The following GCNA variants were observed in gnomAD, a reference collection of about 807,000 sequenced individuals.
The protein encoded by GCNA is germ cell nuclear acidic protein.
In GCNA, 3 loss-of-function variants were observed where a neutral mutation model predicts 38.8. The ratio of observed to expected loss-of-function variants is 0.08; its 90% CI spans 0.04 to 0.20. The LOEUF is 0.20. GCNA is among the 10% of genes least tolerant of loss of function. The pLI is 1.00. For synonymous variants in GCNA, 195 were observed against 240.2 expected (o/e 0.81, Z 1.74); for missense variants, 446 against 578.6 (o/e 0.77, Z 2.35).
rs953190209 is a variant in GCNA, at chrX:71,596,107, T to G, written c.221+1328T>G. On this transcript the variant is annotated intron_variant, in intron 6 of 12. Transcript: ENST00000373696. ...AGCATGTGCCTCTAATTCCAGCTAC[T>G]TAGGAGGCTGAGGCACGAGAATCAC... Among the ~76,000 whole-genome samples, 4 of 111,433 alleles carry G rather than the reference T, an allele frequency of 3.6e-5. No individual in the cohort carries two copies. The Admixed American group carries it at 3.8e-4, about 11-fold the overall frequency.
chrX:71,611,728 G>A (rs1025267134), intron 11 of GCNA, among the ~76,000 whole-genome samples: 1 of 111,066 alleles, frequency 9.0e-6, no homozygotes, highest in Non-Finnish European at 1.9e-5. Context: ...TGTTCCTGGA[G>A]GGCAGAAACT....
chrX:71,600,713 G>T (rs2040706697), intron 7 of GCNA, among the ~76,000 whole-genome samples: 1 of 111,975 alleles, frequency 8.9e-6, no homozygotes, highest in Non-Finnish European at 1.9e-5. Flanking sequence ...GATAGTAGGT[G>T]TATATATTTA....
Position 71,590,170 on chromosome X carries a change from A to G in GCNA, c.60-1952A>G, listed in dbSNP as rs767200380. On this transcript the variant is annotated intron_variant, in intron 2 of 12. Coordinates refer to ENST00000373696, the MANE Select transcript of GCNA (RefSeq NM_052957.5). ...TTACTTGGAAAAGATACCAAACAAA[A>G]TCTGCCTTCTTTTTGACCATGTATT... Among the ~76,000 whole-genome samples the G allele has an allele frequency of 1.2e-4, 13 of 111,786 alleles. No homozygotes were observed. The South Asian group carries it at 4.5e-3, about 39-fold the overall frequency.
At chrX:71,596,778 G>A (rs1292069775) in intron 6 of GCNA, among the ~76,000 whole-genome samples, 1 of 111,376 alleles carries the variant, frequency 9.0e-6, no homozygotes, top group Non-Finnish European at 1.9e-5. Context: ...TGTAGGCAGG[G>A]CTGATAATCA....
At chrX:71,601,214 C>T (rs1035345622) in intron 7 of GCNA, among the ~76,000 whole-genome samples, 3 of 110,346 alleles carry the variant, frequency 2.7e-5, no homozygotes, top group Admixed American at 9.6e-5. Flanking sequence ...TGTGGTGGTG[C>T]GTGCCTGTAG....
At chrX:71,588,519 C>CT (rs2040599675) in intron 2 of GCNA, among the ~76,000 whole-genome samples, 1 of 112,104 alleles carries the variant, frequency 8.9e-6, no homozygotes, top group Non-Finnish European at 1.9e-5. Flanking sequence ...GATTTATAGT[C>CT]TTTTAAAGTT....
At chrX:71,612,591 G>A (rs768157638) in intron 12 of GCNA, 32 bp downstream of exon 12, 10 of 1,153,335 alleles carry the variant, frequency 8.7e-6, no homozygotes, top group Non-Finnish European at 1.1e-5. Flanking sequence ...TCCCAGTTAC[G>A]TTTTGCTGGG....
At chrX:71,598,928 C>T (rs960340575) in intron 7 of GCNA, among the ~76,000 whole-genome samples, 1 of 111,079 alleles carries the variant, frequency 9.0e-6, no homozygotes, top group African/African-American at 3.3e-5. Flanking sequence ...GCAACCTCTG[C>T]CTCCTGGGCT....
intron 9 of GCNA, among the ~76,000 whole-genome samples, chrX:71,608,494 G>C (rs1237782437): frequency 4.5e-5 from 5 of 111,793 alleles, no homozygotes; most frequent in African/African-American, 1.6e-4. Context: ...GGATGGTCTC[G>C]ATCTCCTGAC....
intron 9 of GCNA, among the ~76,000 whole-genome samples, chrX:71,607,336 C>G (rs997225828): frequency 8.9e-6 from 1 of 112,057 alleles, no homozygotes; most frequent in Non-Finnish European, 1.9e-5. Flanking sequence ...GTACTTCCCC[C>G]CTCTGCAGCC....
At chrX:71,608,180 G>C (rs2147732212) in intron 9 of GCNA, among the ~76,000 whole-genome samples, 1 of 112,197 alleles carries the variant, frequency 8.9e-6, no homozygotes, top group South Asian at 3.8e-4. Context: ...ACTAGAGTAG[G>C]AACCAGGGGG....
chrX:71,610,959 G>A (rs754042667), intron 11 of GCNA, 140 bp downstream of exon 11: 6 of 845,366 alleles, frequency 7.1e-6, no homozygotes, highest in Non-Finnish European at 9.8e-6. Flanking sequence ...GTGTTGCTTA[G>A]AGGACATAGT....
chrX:71,580,804 T>C lies in GCNA; in HGVS notation c.-2-16T>C. 2 of 1,192,707 alleles carry C rather than the reference T, an allele frequency of 1.7e-6. No homozygotes were observed. The highest frequency in any genetic ancestry group is 1.1e-6 in the Non-Finnish European group (1 of 884,494). ...CTGGCTTTCTTAAGAAAGTGTATCTTTGTCTTTCACTACAGACATGGATGG... is the reference window on the plus strand; with the variant it reads ...CTGGCTTTCTTAAGAAAGTGTATCTCTGTCTTTCACTACAGACATGGATGG... On this transcript the variant is annotated splice_polypyrimidine_tract_variant and intron_variant, in intron 1 of 12. Coordinates refer to ENST00000373696, the MANE Select transcript of GCNA (RefSeq NM_052957.5).
At chrX:71,584,735 G>A (rs1239461824) in intron 2 of GCNA, among the ~76,000 whole-genome samples, 1 of 110,247 alleles carries the variant, frequency 9.1e-6, no homozygotes, top group Admixed American at 9.6e-5. Flanking sequence ...GGGCGTGGTG[G>A]CAGGCACCTG....
intron 4 of GCNA, among the ~76,000 whole-genome samples, chrX:71,593,933 C>T (rs2040649715): frequency 9.0e-6 from 1 of 111,054 alleles, no homozygotes; most frequent in Non-Finnish European, 1.9e-5. Context: ...TCACTGCAAC[C>T]TTGAATTCCT....
At chrX:71,579,903 G>T (rs1202467669) in intron 1 of GCNA, among the ~76,000 whole-genome samples, 1 of 107,259 alleles carries the variant, frequency 9.3e-6, no homozygotes, top group Non-Finnish European at 1.9e-5. Context: ...CTGTTTGGTC[G>T]AAGATTGGCT....
intron 10 of GCNA, among the ~76,000 whole-genome samples, chrX:71,610,479 G>C (rs1006959347): frequency 4.5e-5 from 5 of 111,897 alleles, no homozygotes; most frequent in African/African-American, 1.6e-4. Context: ...TGGGTGTGGT[G>C]GCGCATGCCT....
At chrX:71,608,828 A>G (rs2147732804) in intron 9 of GCNA, 145 bp from the exon 10 acceptor site, 2 of 719,844 alleles carry the variant, frequency 2.8e-6, no homozygotes, top group East Asian at 7.2e-5. Context: ...AAAGGCTACA[A>G]ATGAAGGCTT....
chrX:71,604,743 T>C, intron 8 of GCNA, 67 bp downstream of exon 8: 2 of 1,166,307 alleles, frequency 1.7e-6, no homozygotes, highest in Non-Finnish European at 2.3e-6. Context: ...GTGCCTGTGT[T>C]ATCCAGTCTG....
Sources: allele counts gnomAD v4.1 joint callset (sites outside exome capture counted in the v4.1 genomes callset), GRCh38; gene constraint gnomAD v4.1.1; transcripts MANE v1.5; gene names NCBI Gene and HGNC (gene_info 2026-07-23, HGNC 2026-07-21).